The following TACC2 variants were observed in gnomAD, a reference collection of about 807,000 sequenced individuals.
TACC2 encodes the protein transforming acidic coiled-coil-containing protein 2.
TACC2 carries 137 observed loss-of-function variants against 227.3 expected under a neutral mutation model. The ratio of observed to expected loss-of-function variants is 0.60; its 90% CI spans 0.52 to 0.69. The LOEUF is 0.69. Among genes scored for constraint, TACC2 ranks in the 30% least tolerant of loss-of-function variants. The pLI, the probability that TACC2 is intolerant of heterozygous loss-of-function variation, is 0.00. For synonymous variants in TACC2, 1,523 were observed against 1,487.5 expected (o/e 1.02, Z -0.55); for missense variants, 3,470 against 3,694.4 (o/e 0.94, Z 1.57).
At chr10:122,053,376 C>A (rs2075907470) in intron 3 of TACC2, among the ~76,000 whole-genome samples, 1 of 151,836 alleles carries the variant, frequency 6.6e-6, no homozygotes, top group Non-Finnish European at 1.5e-5. Flanking sequence ...ATGATTCAGT[C>A]ACCCCCCCAG....
At chr10:122,176,107 CTCTCTCTCTCTATATATA>C (rs1393348587) in intron 7 of TACC2, among the ~76,000 whole-genome samples, 112 of 70,510 alleles carry the variant, frequency 1.6e-3, no homozygotes, top group African/African-American at 7.9e-3. Flanking sequence ...CTCTCTCTCT[CTCTCTCTCTCTATATATA>C]TATATATATA....
At chr10:122,173,555 G>T (rs2093576587) in intron 7 of TACC2, among the ~76,000 whole-genome samples, 1 of 152,264 alleles carries the variant, frequency 6.6e-6, no homozygotes, top group African/African-American at 2.4e-5. Context: ...CAGCCTAAGA[G>T]AAGTGACACG....
intron 9 of TACC2, chr10:122,213,282 T>G (rs1406634523): frequency 5.8e-6 from 9 of 1,543,502 alleles, no homozygotes; most frequent in African/African-American, 2.7e-5. Flanking sequence ...TGTCTGCAGA[T>G]TTATCTTTTT....
At chr10:122,172,668 A>G (rs577573552) in intron 7 of TACC2, among the ~76,000 whole-genome samples, 1 of 152,316 alleles carries the variant, frequency 6.6e-6, no homozygotes, top group East Asian at 1.9e-4. Context: ...AGCCTCTTTC[A>G]GAAGAGGATC....
At chr10:122,095,490 C>T (rs2081278643) in intron 5 of TACC2, among the ~76,000 whole-genome samples, 1 of 152,212 alleles carries the variant, frequency 6.6e-6, no homozygotes, top group African/African-American at 2.4e-5. Flanking sequence ...CAATGTACTT[C>T]CACACTGCAG....
At chr10:122,219,576 G>A (rs774340560) in intron 11 of TACC2, among the ~76,000 whole-genome samples, 16 of 152,192 alleles carry the variant, frequency 1.1e-4, no homozygotes, top group South Asian at 2.1e-4. Flanking sequence ...GGCATCACCT[G>A]CGTCAGATGT....
intron 8 of TACC2, among the ~76,000 whole-genome samples, chr10:122,203,632 G>A (rs1266266996): frequency 6.6e-6 from 1 of 151,752 alleles, no homozygotes; most frequent in South Asian, 2.1e-4. Flanking sequence ...TCACTTCCCA[G>A]ATGGGATGGC....
chr10:122,131,946 C>T (rs1302194930), intron 5 of TACC2, among the ~76,000 whole-genome samples: 6 of 151,912 alleles, frequency 3.9e-5, no homozygotes, highest in Non-Finnish European at 8.8e-5. Context: ...TGCTTGAACC[C>T]GTGAGGCGGC....
intron 5 of TACC2, among the ~76,000 whole-genome samples, chr10:122,119,272 A>ACT (rs2085282897): frequency 1.3e-5 from 2 of 151,578 alleles, no homozygotes; most frequent in Admixed American, 6.6e-5. Context: ...AAGCTCAAAG[A>ACT]GGTTAATGAA....
intron 7 of TACC2, among the ~76,000 whole-genome samples, chr10:122,193,260 G>A (rs112233433): frequency 1.2e-4 from 18 of 152,290 alleles, no homozygotes; most frequent in African/African-American, 4.3e-4. Flanking sequence ...GGGGTGGAGG[G>A]GCAAGGGTGC....
intron 13 of TACC2, among the ~76,000 whole-genome samples, chr10:122,227,552 G>A (rs889398213): frequency 1.3e-5 from 2 of 152,194 alleles, no homozygotes; most frequent in South Asian, 2.1e-4. Flanking sequence ...ATGGAGGCAC[G>A]GTATCCAGTC....
chr10:122,237,752 C>T (rs1012930662), intron 17 of TACC2, among the ~76,000 whole-genome samples: 2 of 152,248 alleles, frequency 1.3e-5, no homozygotes, highest in Admixed American at 1.3e-4. Context: ...ATGCCCCTTT[C>T]AGTTGCTCCC....
chr10:122,105,942 CTCTGTGTG>C (rs1213905287), intron 5 of TACC2, among the ~76,000 whole-genome samples: 1 of 109,762 alleles, frequency 9.1e-6, no homozygotes, highest in Non-Finnish European at 2.2e-5. Context: ...CATTTTCTCT[CTCTGTGTG>C]TGTGTGTGTG....
chr10:122,099,190 A>G (rs116234671), intron 5 of TACC2, among the ~76,000 whole-genome samples: 82 of 152,346 alleles, frequency 5.4e-4, no homozygotes, highest in African/African-American at 1.8e-3. Context: ...CAGACGCCAT[A>G]ACATAATAGC....
At chr10:122,140,748 G>A (rs1039441903) in intron 6 of TACC2, among the ~76,000 whole-genome samples, 2 of 152,228 alleles carry the variant, frequency 1.3e-5, no homozygotes, top group Non-Finnish European at 2.9e-5. Flanking sequence ...GCAGATGGGA[G>A]CTGACTGGGG....
intron 6 of TACC2, among the ~76,000 whole-genome samples, chr10:122,138,441 C>T (rs541263669): frequency 8.5e-5 from 13 of 152,080 alleles, no homozygotes; most frequent in East Asian, 3.9e-4. Context: ...ACCTGGGAGG[C>T]GGAAATTGCA....
At position 122,006,894 on chromosome 10, in the gene TACC2, C is replaced by A. The variant is rs1316053035; in HGVS notation, c.-45-15043C>A. Reference sequence around the variant, plus strand: ...TTTTTTTTTTGAGATGGAATTTTGCCCTTGTTGCCCAGGCTGGAGTGCAAT... The same window carrying A: ...TTTTTTTTTTGAGATGGAATTTTGCACTTGTTGCCCAGGCTGGAGTGCAAT... On this transcript the variant is annotated intron_variant, in intron 1 of 22. Transcript: ENST00000369005. Among the ~76,000 whole-genome samples, 8 of 141,898 alleles carry A rather than the reference C, an allele frequency of 5.6e-5. 1 individual carries two copies. In the Admixed American group the frequency reaches 5.7e-4, roughly 10 times the overall value. The allele number at this position is 141,898 out of a possible 152,430, so 93.1% of individuals were successfully genotyped here.
chr10:122,096,321 G>A (rs1168140877), intron 5 of TACC2, among the ~76,000 whole-genome samples: 4 of 152,156 alleles, frequency 2.6e-5, no homozygotes, highest in Admixed American at 6.5e-5. Flanking sequence ...GCCCTGGATG[G>A]CCCCATGAAC....
At chr10:122,137,962 G>A (rs370269803) in intron 6 of TACC2, among the ~76,000 whole-genome samples, 1 of 152,246 alleles carries the variant, frequency 6.6e-6, no homozygotes, top group South Asian at 2.1e-4. Context: ...AGCCCCTGCT[G>A]AGTGTCATAG....
Sources: allele counts gnomAD v4.1 joint callset (sites outside exome capture counted in the v4.1 genomes callset), GRCh38; gene constraint gnomAD v4.1.1; transcripts MANE v1.5; gene names NCBI Gene and HGNC (gene_info 2026-07-23, HGNC 2026-07-21).